The following ABR variants were observed in gnomAD, a reference collection of about 807,000 sequenced individuals.
ABR encodes ABR activator of RhoGEF and GTPase.
A neutral mutation model predicts 107.2 loss-of-function variants in ABR; 35 were observed. The observed-to-expected ratio is 0.33, with a 90% CI of 0.25 to 0.43. The LOEUF (loss-of-function observed/expected upper bound fraction) is 0.43, where lower values mean the gene tolerates loss of function less well. Ranked by LOEUF, ABR falls within the 20% of genes least tolerant of loss-of-function variation. ABR has a pLI of 1.00. For missense variants in ABR, 815 were observed against 1,115.2 expected, an observed-to-expected ratio of 0.73 and a Z score of 3.83; for synonymous variants, 498 against 462.0, an observed-to-expected ratio of 1.08 and a Z score of -1.00.
intron 3 of ABR, among the ~76,000 whole-genome samples, chr17:1,094,798 T>TCG (rs2037291387): frequency 1.3e-5 from 2 of 152,104 alleles, no homozygotes; most frequent in Non-Finnish European, 1.5e-5. Flanking sequence ...GAGGGCTGCA[T>TCG]GGAGGAGGCA....
At chr17:1,040,153 G>C (rs574914610) in intron 16 of ABR, among the ~76,000 whole-genome samples, 1 of 152,290 alleles carries the variant, frequency 6.6e-6, no homozygotes, top group Admixed American at 6.5e-5. Flanking sequence ...ACGAGAGGGG[G>C]CCGGAGCTGG....
chr17:1,005,801 C>T lies in ABR; in HGVS notation c.*279G>A. ...GCCGGTCACTACCTTTTCTGCCTGA[C>T]AAGTGTACATAAAACAATTCCCGAA... On this transcript the variant is annotated 3_prime_UTR_variant, in exon 23 of 23. Coordinates refer to ENST00000302538, the MANE Select transcript of ABR (RefSeq NM_021962.5). The T allele has an allele frequency of 2.0e-6, 1 of 498,700 alleles. No homozygotes were observed. The highest frequency in any genetic ancestry group is 1.9e-5 in the African/African-American group (1 of 51,480). 30.9% of individuals were successfully genotyped at this position (498,700 alleles called of 1,614,324 possible). A position where few individuals can be genotyped will look rare whatever the true frequency, so the allele number is the denominator to read the frequency against.
intron 1 of ABR, among the ~76,000 whole-genome samples, chr17:1,152,904 G>T (rs1022285501): frequency 2.6e-4 from 40 of 152,086 alleles, no homozygotes; most frequent in African/African-American, 8.5e-4. Context: ...GACCAGCCTG[G>T]CCAACACAGT....
At chr17:1,024,099 C>CCCA (rs2071970861) in intron 16 of ABR, among the ~76,000 whole-genome samples, 11 of 151,800 alleles carry the variant, frequency 7.2e-5, no homozygotes, top group Admixed American at 7.2e-4. Flanking sequence ...CCTGCCCGGG[C>CCCA]CCAGAACACT....
At chr17:1,170,814 G>A (rs532774025) in intron 1 of ABR, among the ~76,000 whole-genome samples, 95 of 151,908 alleles carry the variant, frequency 6.3e-4, no homozygotes, top group Non-Finnish European at 1.1e-3. Context: ...TTCTTTTCAC[G>A]GGACCCCAGG....
chr17:1,188,634 C>T (rs1262068858), upstream of ABR, among the ~76,000 whole-genome samples: 1 of 152,072 alleles, frequency 6.6e-6, no homozygotes, highest in Non-Finnish European at 1.5e-5. Context: ...AAATGTCCTA[C>T]AGGACTTGCC....
In ABR at chr17:1,021,735, C is replaced by T. The variant is rs1191454490; in HGVS notation, c.1792-8571G>A. Among the ~76,000 whole-genome samples the T allele has an allele frequency of 4.6e-5, 7 of 150,730 alleles. No individual in the cohort carries two copies. The East Asian group carries it at 5.9e-4, about 13-fold the overall frequency. On this transcript the variant is annotated intron_variant, in intron 16 of 22. Transcript: ENST00000302538. ...AGGAGAATCGCTTGAACCCGGGAGG[C>T]GGAGGTTGCAGTGAGCCGGAGTTGA...
At position 1,012,623 on chromosome 17, in the gene ABR, G is replaced by A. The variant is rs566374910; in HGVS notation, c.1961+65C>T. 2.9e-4 allele frequency: 361 copies of A among 1,245,976 alleles called. No homozygotes were observed. The African/African-American group carries it at 4.8e-3, about 17-fold the overall frequency. The allele number at this position is 1,245,976 out of a possible 1,614,324, so 77.2% of individuals were successfully genotyped here. A position where few individuals can be genotyped will look rare whatever the true frequency, so the allele number is the denominator to read the frequency against. ...ATGGGCACCGGCGGGGAGGGCTGGG[G>A]GGCCCGGGCTGGGGGGGACCCGGGG... On this transcript the variant is annotated intron_variant, in intron 18 of 22. Transcript: ENST00000302538.
chr17:1,073,680 G>A lies in ABR; in HGVS notation c.701-3C>T, dbSNP rs764673435. ...GTCAATGGGCTTGTAGAGCAGAGCTGTCGGGGGAGACAGGGAGAAGGAGGA... is the reference window on the plus strand; with the variant it reads ...GTCAATGGGCTTGTAGAGCAGAGCTATCGGGGGAGACAGGGAGAAGGAGGA... On this transcript the variant is annotated splice_polypyrimidine_tract_variant and splice_region_variant and intron_variant, in intron 6 of 22. Transcript: ENST00000302538. 1.5e-5 allele frequency: 24 copies of A among 1,603,838 alleles called. No individual in the cohort carries two copies. Among genetic ancestry groups the A allele is most frequent in the Middle Eastern group, 3.3e-4 (2 of 6,030 alleles).
At chr17:1,091,202 T>C (rs1021140868) in intron 4 of ABR, among the ~76,000 whole-genome samples, 3 of 152,232 alleles carry the variant, frequency 2.0e-5, no homozygotes, top group Admixed American at 2.0e-4. Context: ...ACCCGGCATG[T>C]GCCCCTCTGT....
Position 1,005,758 on chromosome 17 carries a change from T to G in ABR, c.*322A>C, listed in dbSNP as rs1276248546. On this transcript the variant is annotated 3_prime_UTR_variant, in exon 23 of 23. Coordinates refer to ENST00000302538, the MANE Select transcript of ABR (RefSeq NM_021962.5). ...GGAAATGAAAGAACAAAGCGGGCTG[T>G]CTGTGTGCCCACGCCGGGCCGGTCA... 5.1e-6 allele frequency: 2 copies of G among 396,034 alleles called. No individual in the cohort carries two copies. Among genetic ancestry groups the G allele is most frequent in the African/African-American group, 4.1e-5 (2 of 48,548 alleles). 24.5% of individuals were successfully genotyped at this position (396,034 alleles called of 1,614,324 possible). A position where few individuals can be genotyped will look rare whatever the true frequency, so the allele number is the denominator to read the frequency against.
intron 16 of ABR, among the ~76,000 whole-genome samples, chr17:1,019,702 A>T (rs1263780497): frequency 1.3e-5 from 2 of 152,266 alleles, no homozygotes. Flanking sequence ...CTGGCTATTT[A>T]TAACTCCTGG....
intron 1 of ABR, among the ~76,000 whole-genome samples, chr17:1,159,136 G>C (rs2041157848): frequency 6.6e-6 from 1 of 152,212 alleles, no homozygotes; most frequent in Non-Finnish European, 1.5e-5. Context: ...TTAAACTACT[G>C]TCTTAGTCAT....
chr17:1,194,440 G>T (rs543051405), intron 1 of ABR, among the ~76,000 whole-genome samples: 1 of 148,818 alleles, frequency 6.7e-6, no homozygotes, highest in South Asian at 2.2e-4. Flanking sequence ...CAGGTGATCT[G>T]CCTGCCTCGT....
At chr17:1,147,083 G>A (rs999885217) in intron 1 of ABR, among the ~76,000 whole-genome samples, 21 of 152,244 alleles carry the variant, frequency 1.4e-4, no homozygotes, top group African/African-American at 5.1e-4. Flanking sequence ...CCCTGGGCAG[G>A]GCCAGGTGCT....
At chr17:1,201,160 C>G (rs2042664083) in intron 1 of ABR, among the ~76,000 whole-genome samples, 1 of 152,238 alleles carries the variant, frequency 6.6e-6, no homozygotes, top group African/African-American at 2.4e-5. Flanking sequence ...TCACTCAAGA[C>G]TGTTCACATC....
chr17:1,050,460 G>T lies in ABR; in HGVS notation c.1659+77C>A. ...CAGACATAGCTGGTCCAACCAATGG[G>T]CTGGCCGTCCCCAGCAGACAAGCCA... On this transcript the variant is annotated intron_variant, in intron 15 of 22. Coordinates refer to ENST00000302538, the MANE Select transcript of ABR (RefSeq NM_021962.5). This position sits in a 1 kb window ranked among gnomAD's most constrained non-coding sequence, Gnocchi z 4.6. The T allele has an allele frequency of 7.3e-7, 1 of 1,365,864 alleles. No homozygotes were observed. Among genetic ancestry groups the T allele is most frequent in the Non-Finnish European group, 1.0e-6 (1 of 955,760 alleles). 84.6% of individuals were successfully genotyped at this position (1,365,864 alleles called of 1,614,324 possible).
intron 16 of ABR, among the ~76,000 whole-genome samples, chr17:1,013,550 C>A (rs1464250817): frequency 6.6e-6 from 1 of 152,210 alleles, no homozygotes; most frequent in African/African-American, 2.4e-5. Flanking sequence ...AACTGAGGCT[C>A]ACAAAAGGTA....
upstream of ABR, among the ~76,000 whole-genome samples, chr17:1,189,856 C>T (rs2042394471): frequency 6.6e-6 from 1 of 152,158 alleles, no homozygotes; most frequent in Non-Finnish European, 1.5e-5. Flanking sequence ...CTGTTATTCA[C>T]TGTAACCCCA....
Sources: gnomAD v4.1 joint callset for allele counts (sites outside exome capture counted in the v4.1 genomes callset) on GRCh38, gnomAD v4.1.1 for gene constraint, Gnocchi (gnomAD v3.1) non-coding constraint, MANE v1.5 for transcripts, NCBI Gene and HGNC (gene_info 2026-07-23, HGNC 2026-07-21) for gene names.